The following LY96 variants were observed in gnomAD, a reference collection of about 807,000 sequenced individuals.
LY96 encodes myeloid differentiation protein-2.
Under a neutral mutation model 18.9 loss-of-function variants are expected in LY96, and 18 were observed. The observed-to-expected ratio is 0.95, with a 90% CI of 0.66 to 1.41. The LOEUF (loss-of-function observed/expected upper bound fraction) is 1.41. Among genes scored for constraint, LY96 ranks in the 40% most tolerant of loss-of-function variants. LY96 has a pLI of 0.00. For synonymous variants in LY96, 66 were observed against 62.6 expected, an observed-to-expected ratio of 1.06 and a Z score of -0.26; for missense variants, 175 against 182.4, an observed-to-expected ratio of 0.96 and a Z score of 0.23.
At chr8:74,092,393 TCATCCAAGAA>T in the LY96 span, among the ~76,000 whole-genome samples, 43 of 152,126 alleles carry the variant, frequency 2.8e-4, no homozygotes, top group Admixed American at 2.8e-3. Flanking sequence ...CTTAAGTCAG[TCATCCAAGAA>T]CATTGGCCCC....
At chr8:74,042,289 C>T in the LY96 span, among the ~76,000 whole-genome samples, 9 of 152,162 alleles carry the variant, frequency 5.9e-5, no homozygotes, top group South Asian at 2.1e-4. Flanking sequence ...GGGTGGCTGA[C>T]GCAGGTGGAT....
chr8:74,041,273 C>T, the LY96 span, among the ~76,000 whole-genome samples: 58 of 152,152 alleles, frequency 3.8e-4, no homozygotes, highest in Non-Finnish European at 7.2e-4. Flanking sequence ...ATCTCTTAAT[C>T]CTGTTATCAT....
At chr8:73,999,744 C>T (rs1816225579) in intron 1 of LY96, among the ~76,000 whole-genome samples, 1 of 152,112 alleles carries the variant, frequency 6.6e-6, no homozygotes, top group South Asian at 2.1e-4. Context: ...GTCTTGAACT[C>T]CTGGCCTTAT....
chr8:74,020,312 A>C (rs1816732578), intron 3 of LY96, among the ~76,000 whole-genome samples: 1 of 152,222 alleles, frequency 6.6e-6, no homozygotes, highest in Non-Finnish European at 1.5e-5. Flanking sequence ...GTGAACTCCC[A>C]TTCACAATTG....
chr8:74,086,036 C>T, the LY96 span, among the ~76,000 whole-genome samples: 1,158 of 152,206 alleles, frequency 7.6e-3, 16 homozygotes, highest in African/African-American at 0.026. Context: ...CCAAGATCTC[C>T]CCAACCACCC....
intron 3 of LY96, among the ~76,000 whole-genome samples, chr8:74,025,003 A>G (rs1054281080): frequency 9.2e-5 from 14 of 151,918 alleles, no homozygotes; most frequent in Middle Eastern, 3.4e-3. Flanking sequence ...TCTTTTATAT[A>G]TTTTGTACAG....
At chr8:74,094,481 A>G in the LY96 span, among the ~76,000 whole-genome samples, 1 of 152,170 alleles carries the variant, frequency 6.6e-6, no homozygotes, top group African/African-American at 2.4e-5. Flanking sequence ...TTCCTTGGAC[A>G]TTATTCATGT....
At chr8:74,016,138 A>T (rs1016996196) in intron 3 of LY96, among the ~76,000 whole-genome samples, 1 of 152,238 alleles carries the variant, frequency 6.6e-6, no homozygotes, top group Admixed American at 6.5e-5. Flanking sequence ...CTGTACCAGG[A>T]AAATTGGGAC....
chr8:74,058,302 T>G, the LY96 span, among the ~76,000 whole-genome samples: 2 of 152,230 alleles, frequency 1.3e-5, no homozygotes, highest in Non-Finnish European at 2.9e-5. Context: ...TATATTAAGC[T>G]GATCCAGAGG....
At chr8:74,097,857 G>C in the LY96 span, among the ~76,000 whole-genome samples, 5 of 152,192 alleles carry the variant, frequency 3.3e-5, no homozygotes, top group African/African-American at 1.2e-4. Flanking sequence ...CAGACTCTCA[G>C]ACCTGGCACC....
chr8:74,060,677 T>G, the LY96 span, among the ~76,000 whole-genome samples: 1 of 152,204 alleles, frequency 6.6e-6, no homozygotes, highest in Non-Finnish European at 1.5e-5. Flanking sequence ...GCTGTGCAAA[T>G]CTAGAGGGTG....
intron 1 of LY96, among the ~76,000 whole-genome samples, chr8:73,996,694 C>T (rs1252464337): frequency 4.6e-5 from 7 of 151,460 alleles, no homozygotes; most frequent in African/African-American, 1.7e-4. Context: ...GCTGGAATTA[C>T]AGGCGTGAGC....
the LY96 span, among the ~76,000 whole-genome samples, chr8:74,097,387 T>C: frequency 1.3e-5 from 2 of 152,176 alleles, no homozygotes; most frequent in Non-Finnish European, 2.9e-5. Flanking sequence ...AGTAGTAGTG[T>C]TATTTTGGAG....
chr8:74,034,267 G>A, the LY96 span, among the ~76,000 whole-genome samples: 4 of 152,238 alleles, frequency 2.6e-5, no homozygotes, highest in Middle Eastern at 3.4e-3. Context: ...AGCTACTCGG[G>A]AGGCTGAGGC....
the LY96 span, among the ~76,000 whole-genome samples, chr8:74,048,462 G>A: frequency 1.2e-4 from 19 of 152,220 alleles, no homozygotes; most frequent in East Asian, 3.5e-3. Context: ...AAGCAGGCCA[G>A]GACTTATCTG....
chr8:74,072,999 T>C, the LY96 span, among the ~76,000 whole-genome samples: 1 of 152,188 alleles, frequency 6.6e-6, no homozygotes, highest in African/African-American at 2.4e-5. Context: ...TCCCTGTGTC[T>C]GTGTGAGCCT....
the LY96 span, among the ~76,000 whole-genome samples, chr8:74,059,790 C>T: frequency 6.6e-6 from 1 of 152,122 alleles, no homozygotes; most frequent in African/African-American, 2.4e-5. Context: ...GCAAACAAGA[C>T]ACAAACAACA....
chr8:74,048,442 G>A, the LY96 span, among the ~76,000 whole-genome samples: 5 of 151,920 alleles, frequency 3.3e-5, no homozygotes, highest in East Asian at 1.9e-4. Flanking sequence ...TTTTAAATCC[G>A]GGTGGGCCTA....
intron 4 of LY96, among the ~76,000 whole-genome samples, chr8:74,027,299 A>G (rs1465732731): frequency 7.1e-6 from 1 of 140,190 alleles, no homozygotes; most frequent in Non-Finnish European, 1.6e-5. Context: ...TTTCACTTTT[A>G]TTTAGAATTA....
Sources: allele counts gnomAD v4.1 joint callset (sites outside exome capture counted in the v4.1 genomes callset), GRCh38; gene constraint gnomAD v4.1.1; transcripts MANE v1.5; gene names NCBI Gene and HGNC (gene_info 2026-07-23, HGNC 2026-07-21).